The following CDC25B variants were observed in gnomAD, a reference collection of about 807,000 sequenced individuals.
The protein encoded by CDC25B is cell division cycle 25B, also known as M-phase inducer phosphatase 2.
CDC25B carries 33 observed loss-of-function variants against 69.8 expected under a neutral mutation model. That is an observed-to-expected ratio of 0.47 (90% CI 0.36 to 0.63). CDC25B has a LOEUF of 0.63. CDC25B is among the 30% of genes least tolerant of loss of function. CDC25B has a pLI of 0.00. For missense variants in CDC25B, 727 were observed against 809.1 expected, an observed-to-expected ratio of 0.90 and a Z score of 1.23; for synonymous variants, 341 against 314.6, an observed-to-expected ratio of 1.08 and a Z score of -0.89.
chr20:3,788,142 AAAAG>A (rs57004606), intron 1 of CDC25B, among the ~76,000 whole-genome samples: 53 of 150,096 alleles, frequency 3.5e-4, no homozygotes, highest in Admixed American at 1.2e-3. Context: ...ATCTCAAAAA[AAAAG>A]AAAGAAAGAA....
rs1430899954 is a variant in CDC25B, at chr20:3,787,110, G to T, written c.-22G>T. The T allele has an allele frequency of 9.4e-6, 6 of 635,324 alleles. No homozygotes were observed. The Admixed American group carries it at 1.1e-4, about 11-fold the overall frequency. 39.4% of individuals were successfully genotyped at this position (635,324 alleles called of 1,614,324 possible). ...TGAAAAATTCAAGAAGTTGAAAAAC[G>T]CTTTTCACGTCACCTGGAGAGATGC... On this transcript the variant is annotated 5_prime_UTR_variant, in exon 1 of 16. Coordinates refer to the CDC25B transcript ENST00000344256.
intron 8 of CDC25B, 68 bp downstream of exon 8, chr20:3,801,456 T>C (rs1169407172): frequency 8.0e-6 from 12 of 1,506,576 alleles, no homozygotes; most frequent in Non-Finnish European, 1.1e-5. Flanking sequence ...AAGAGAGCTC[T>C]GAGCCCTTGT....
chr20:3,800,210 T>TGGACTAGAGACCTGGTGCTAG (rs2089224900), intron 3 of CDC25B, 78 bp from the exon 4 acceptor site: 7 of 1,285,678 alleles, frequency 5.4e-6, no homozygotes, highest in Non-Finnish European at 6.7e-6. Flanking sequence ...TACTCCCCCC[T>TGGACTAGAGACCTGGTGCTAG]GGACTGGGGG....
Position 3,800,869 on chromosome 20 carries a change from C to T in CDC25B, c.582+4C>T, listed in dbSNP as rs1488251856. On this transcript the variant is annotated splice_donor_region_variant and intron_variant, in intron 6 of 15. Transcript: ENST00000245960. ...CTCTGGGGAAGACAAGGAGAATGTG[C>T]GCTTCTGGAAGGCCGGGGTGGGAGC... The T allele has an allele frequency of 1.4e-5, 23 of 1,613,516 alleles. No homozygotes were observed. Among genetic ancestry groups the T allele is most frequent in the South Asian group, 4.4e-5 (4 of 91,058 alleles).
chr20:3,803,439 G>C lies in CDC25B; in HGVS notation c.1392G>C (p.Glu464Asp), dbSNP rs755042639. The C allele has an allele frequency of 1.9e-6, 3 of 1,614,120 alleles. No individual in the cohort carries two copies. The highest frequency in any genetic ancestry group is 2.2e-5 in the South Asian group (2 of 91,080). The change falls in exon 14 of 16, where the codon GAG becomes GAC. Residue 464 changes from glutamate (E) to aspartate (D), a missense_variant. Physicochemically the swap from Glu to Asp is conservative, Grantham distance 45 (BLOSUM62 2). This residue lies in a region of CDC25B where 359 missense variants were observed against 463.4 expected (regional missense o/e 0.77). Coordinates refer to ENST00000245960, the MANE Select transcript of CDC25B (RefSeq NM_021873.4). The surrounding 1 kb of genome is among the most constrained non-coding windows in gnomAD (Gnocchi z 4.9). ...ACTTGCCCCTGGAACGCGACGCCGAGAGCTTCCTACTGAAGAGCCCCATCG... is the reference window on the plus strand; with the variant it reads ...ACTTGCCCCTGGAACGCGACGCCGACAGCTTCCTACTGAAGAGCCCCATCG... ...AVNLPLERDA[E>D]SFLLKSPIAP...
intron 1 of CDC25B, among the ~76,000 whole-genome samples, chr20:3,787,418 G>C (rs1302536368): frequency 1.3e-5 from 2 of 152,112 alleles, no homozygotes; most frequent in Non-Finnish European, 2.9e-5. Flanking sequence ...CAGCATTACA[G>C]TTGTAAATCT....
intron 3 of CDC25B, 102 bp from the exon 4 acceptor site, chr20:3,800,186 C>T (rs1228927546): frequency 7.7e-6 from 9 of 1,169,600 alleles, no homozygotes; most frequent in Non-Finnish European, 1.1e-5. Flanking sequence ...AGCCTTGGCC[C>T]TTGTCTTTGC....
At position 3,796,441 on chromosome 20, in the gene CDC25B, C is replaced by A; in HGVS notation, c.-91C>A. 1 of 651,646 alleles carries A rather than the reference C, an allele frequency of 1.5e-6. No individual in the cohort carries two copies. The highest frequency in any genetic ancestry group is 2.0e-6 in the Non-Finnish European group (1 of 488,232). 40.4% of individuals were successfully genotyped at this position (651,646 alleles called of 1,614,324 possible). On this transcript the variant is annotated 5_prime_UTR_variant, in exon 1 of 16. Transcript: ENST00000245960. ...CTTCCCCCCCCCCCCACCCCTCGCC[C>A]GCTGCCTCCCTCGGCCCAGCCAGCT... is the stretch of plus-strand genomic sequence containing the variant.
In CDC25B at chr20:3,789,982, CTG is replaced by C. The variant is rs560337775; in HGVS notation, c.8+2845_8+2846del. Among the ~76,000 whole-genome samples the C allele has an allele frequency of 1.7e-3, 255 of 150,480 alleles. 1 individual carries two copies. The highest frequency in any genetic ancestry group is 6.0e-3 in the African/African-American group (243 of 40,478). On this transcript the variant is annotated intron_variant, in intron 1 of 15. Transcript: ENST00000344256. ...CCAGCCTGGGCGACAGAGCAAGACT[CTG>C]TCTCAAAAAAAAAAAAAATTAGCTA... is the stretch of plus-strand genomic sequence containing the variant.
chr20:3,795,740 T>G (rs2089012284), upstream of CDC25B: 3 of 985,320 alleles, frequency 3.0e-6, no homozygotes, highest in Admixed American at 6.1e-5. Flanking sequence ...AATGACGTTT[T>G]GCTGCTGCTC....
upstream of CDC25B, chr20:3,795,718 GCTT>G: frequency 1.0e-6 from 1 of 985,552 alleles, no homozygotes; most frequent in Non-Finnish European, 1.2e-6. Flanking sequence ...TACGCTGGGC[GCTT>G]CTCCTGCGAA....
chr20:3,789,755 C>T (rs1015462030), intron 1 of CDC25B, among the ~76,000 whole-genome samples: 3 of 152,048 alleles, frequency 2.0e-5, no homozygotes, highest in Non-Finnish European at 4.4e-5. Context: ...TTTGGGAGGC[C>T]GAGGTGGGCA....
At chr20:3,802,234 G>A (rs780104840) in intron 10 of CDC25B, 47 bp from the exon 11 acceptor site, 3 of 1,572,792 alleles carry the variant, frequency 1.9e-6, no homozygotes, top group South Asian at 1.1e-5. Flanking sequence ...AGAGCACTGG[G>A]GGGCAGCCCC....
upstream of CDC25B, among the ~76,000 whole-genome samples, chr20:3,793,092 A>C (rs2088941256): frequency 6.6e-6 from 1 of 152,250 alleles, no homozygotes; most frequent in Non-Finnish European, 1.5e-5. Context: ...AATACATTAC[A>C]TTGAATAAAA....
upstream of CDC25B, chr20:3,796,226 C>A (rs1174669270): frequency 1.2e-5 from 15 of 1,252,486 alleles, no homozygotes; most frequent in Non-Finnish European, 8.0e-6. Flanking sequence ...CCTCATCTAA[C>A]CCGCTACCCC....
chr20:3,798,400 C>G lies in CDC25B; in HGVS notation c.329-12C>G. 6.7e-7 allele frequency: 1 copy of G among 1,483,138 alleles called. No homozygotes were observed. The highest frequency in any genetic ancestry group is 9.0e-7 in the Non-Finnish European group (1 of 1,112,436). The allele number at this position is 1,483,138 out of a possible 1,614,324, so 91.9% of individuals were successfully genotyped here. A position where few individuals can be genotyped will look rare whatever the true frequency, so the allele number is the denominator to read the frequency against. Reference sequence around the variant, plus strand: ...GCCACTACTTTCAAACCAAGGTGCTCTGTCCCCTCAGGTCTCTGCATGGAT... The same window carrying G: ...GCCACTACTTTCAAACCAAGGTGCTGTGTCCCCTCAGGTCTCTGCATGGAT... On this transcript the variant is annotated splice_polypyrimidine_tract_variant and intron_variant, in intron 2 of 15. Transcript: ENST00000245960.
At chr20:3,789,983 T>C (rs1160115375) in intron 1 of CDC25B, among the ~76,000 whole-genome samples, 1 of 149,634 alleles carries the variant, frequency 6.7e-6, no homozygotes, top group Non-Finnish European at 1.5e-5. Context: ...AGCAAGACTC[T>C]GTCTCAAAAA....
chr20:3,788,142 A>AACAG (rs113689545), intron 1 of CDC25B, among the ~76,000 whole-genome samples: 3 of 149,974 alleles, frequency 2.0e-5, no homozygotes, highest in African/African-American at 7.4e-5. Context: ...ATCTCAAAAA[A>AACAG]AAAGAAAGAA....
rs2089249638 is a variant in CDC25B at position 3,800,768 on chromosome 20, T to C, written c.485T>C (p.Val162Ala). Residue 162 changes from valine to alanine, a missense_variant, in exon 6 of 16, where the codon GTG becomes GCG. Physicochemically the swap from Val to Ala is moderately conservative, Grantham distance 64. Transcript: ENST00000245960. ...GTGAGGCTGCTGGGCCACAGCCCCG[T>C]GCTTCGGAACATCACCAACTCCCAG... ...MPVRLLGHSP[V>A]LRNITNSQAP... 2.5e-6 allele frequency: 4 copies of C among 1,610,850 alleles called. No homozygotes were observed. The highest frequency in any genetic ancestry group is 3.4e-6 in the Non-Finnish European group (4 of 1,180,020).
Sources: gnomAD v4.1 joint callset for allele counts (sites outside exome capture counted in the v4.1 genomes callset) on GRCh38, gnomAD v4.1.1 for gene constraint, gnomAD v4.1.1 regional missense constraint, Gnocchi (gnomAD v3.1) non-coding constraint, MANE v1.5 for transcripts, NCBI Gene and HGNC (gene_info 2026-07-23, HGNC 2026-07-21) for gene names.